The following LRP1B variants were observed in gnomAD, a reference collection of about 807,000 sequenced individuals.
The protein encoded by LRP1B is LDL receptor related protein 1B.
LRP1B carries 217 observed loss-of-function variants against 556.6 expected under a neutral mutation model. The ratio of observed to expected loss-of-function variants is 0.39; its 90% confidence interval spans 0.35 to 0.44. LRP1B has a LOEUF of 0.44. LRP1B is among the 20% of genes least tolerant of loss of function. The pLI, the probability that LRP1B is intolerant of heterozygous loss-of-function variation, is 1.00. For missense variants in LRP1B, 5,053 were observed against 5,620.8 expected, an observed-to-expected ratio of 0.90 and a Z score of 3.23; for synonymous variants, 2,047 against 1,865.8, an observed-to-expected ratio of 1.10 and a Z score of -2.50.
chr2:140,767,061 C>T (rs1369254413), intron 35 of LRP1B, among the ~76,000 whole-genome samples: 5 of 151,612 alleles, frequency 3.3e-5, no homozygotes, highest in Non-Finnish European at 5.9e-5. Context: ...GGTCACAAAG[C>T]TACTAGTGGT....
intron 35 of LRP1B, among the ~76,000 whole-genome samples, chr2:140,751,930 T>C (rs1688593476): frequency 6.6e-6 from 1 of 152,188 alleles, no homozygotes; most frequent in Non-Finnish European, 1.5e-5. Context: ...AGGATATATA[T>C]ACGCAGTACA....
intron 1 of LRP1B, among the ~76,000 whole-genome samples, chr2:141,915,409 A>G (rs1356728633): frequency 6.6e-6 from 1 of 152,126 alleles, no homozygotes; most frequent in African/African-American, 2.4e-5. Flanking sequence ...CAAAAATTGT[A>G]TATGGTGAAC....
At chr2:141,346,219 G>A (rs1412407752) in intron 3 of LRP1B, among the ~76,000 whole-genome samples, 1 of 151,846 alleles carries the variant, frequency 6.6e-6, no homozygotes, top group Non-Finnish European at 1.5e-5. Flanking sequence ...TGATCCTAGT[G>A]ATTTTGCTTA....
chr2:141,507,600 TG>T (rs1330177542), intron 2 of LRP1B, among the ~76,000 whole-genome samples: 1 of 152,144 alleles, frequency 6.6e-6, no homozygotes, highest in Non-Finnish European at 1.5e-5. Context: ...TCCAAAATTA[TG>T]GGCCAGATTC....
At chr2:142,098,873 T>C (rs1300719992) in intron 1 of LRP1B, among the ~76,000 whole-genome samples, 1 of 151,848 alleles carries the variant, frequency 6.6e-6, no homozygotes, top group African/African-American at 2.4e-5. Context: ...GCAACACTAC[T>C]GATCATTTTC....
intron 6 of LRP1B, among the ~76,000 whole-genome samples, chr2:141,204,405 TC>T (rs1682179934): frequency 6.6e-6 from 1 of 152,030 alleles, no homozygotes; most frequent in African/African-American, 2.4e-5. Context: ...ATGAGAGAAA[TC>T]CGGATTTGGG....
chr2:140,995,604 A>G (rs1049897210), intron 15 of LRP1B, among the ~76,000 whole-genome samples: 3 of 152,166 alleles, frequency 2.0e-5, no homozygotes, highest in Middle Eastern at 3.4e-3. Context: ...TACTACCTCC[A>G]TCTTATAAAT....
At chr2:141,706,312 C>T (rs983206381) in intron 2 of LRP1B, among the ~76,000 whole-genome samples, 8 of 152,092 alleles carry the variant, frequency 5.3e-5, no homozygotes, top group Admixed American at 2.0e-4. Context: ...AAATTGCTTA[C>T]ATTCTTCAAG....
chr2:140,363,925 G>A (rs1042138083), intron 72 of LRP1B, among the ~76,000 whole-genome samples: 10 of 151,664 alleles, frequency 6.6e-5, no homozygotes, highest in South Asian at 2.1e-4. Flanking sequence ...AAGTATAGGC[G>A]AAACTGCATT....
chr2:141,421,712 C>T (rs958876910), intron 3 of LRP1B, among the ~76,000 whole-genome samples: 3 of 152,008 alleles, frequency 2.0e-5, no homozygotes, highest in Admixed American at 6.6e-5. Flanking sequence ...TGATTCTAAG[C>T]TTAAGATTAA....
chr2:141,459,960 T>C (rs905874094), intron 3 of LRP1B, among the ~76,000 whole-genome samples: 2 of 152,182 alleles, frequency 1.3e-5, no homozygotes, highest in Non-Finnish European at 2.9e-5. Context: ...GAGATGAAGA[T>C]TTGTGTCACC....
At chr2:140,364,934 G>C in intron 71 of LRP1B, 151 bp from the exon 72 acceptor site, 1 of 564,476 alleles carries the variant, frequency 1.8e-6, no homozygotes, top group Non-Finnish European at 2.9e-6. Context: ...CCAGGAACAA[G>C]TAATATTCAA....
intron 59 of LRP1B, among the ~76,000 whole-genome samples, chr2:140,477,258 T>C (rs1688014010): frequency 6.6e-6 from 1 of 152,088 alleles, no homozygotes; most frequent in African/African-American, 2.4e-5. Context: ...CATAATACTT[T>C]TTGATTTATC....
At chr2:141,766,101 C>G (rs10195494) in intron 2 of LRP1B, among the ~76,000 whole-genome samples, 20,291 of 152,070 alleles carry the variant, frequency 0.13, 1,473 homozygotes, top group Non-Finnish European at 0.16. Flanking sequence ...CAAAATTAAA[C>G]TATGGGTAAT....
intron 31 of LRP1B, among the ~76,000 whole-genome samples, chr2:140,816,675 C>A (rs1361667745): frequency 2.6e-5 from 4 of 152,030 alleles, no homozygotes; most frequent in African/African-American, 4.8e-5. Context: ...AGTATGTTAG[C>A]TTAACCCTTA....
chr2:141,590,577 T>C (rs1004372717), intron 2 of LRP1B, among the ~76,000 whole-genome samples: 16 of 152,054 alleles, frequency 1.1e-4, no homozygotes, highest in African/African-American at 3.9e-4. Context: ...ATTTCTAAGA[T>C]GAGCTATAAA....
At chr2:141,739,845 T>C (rs1693631097) in intron 2 of LRP1B, among the ~76,000 whole-genome samples, 1 of 152,130 alleles carries the variant, frequency 6.6e-6, no homozygotes, top group African/African-American at 2.4e-5. Context: ...GAGCAAACCA[T>C]ATGCCTTTTC....
chr2:141,000,193 A>C (rs1179142880), intron 15 of LRP1B, among the ~76,000 whole-genome samples: 1 of 152,038 alleles, frequency 6.6e-6, no homozygotes, highest in Non-Finnish European at 1.5e-5. Flanking sequence ...TGTTGGGATT[A>C]CAGCTGTGAG....
At chr2:141,568,443 A>T (rs1387609759) in intron 2 of LRP1B, among the ~76,000 whole-genome samples, 3 of 151,154 alleles carry the variant, frequency 2.0e-5, no homozygotes, top group African/African-American at 7.3e-5. Context: ...AAATAGGTTG[A>T]ATATAAGAAA....
Sources: gnomAD v4.1 joint callset for allele counts (sites outside exome capture counted in the v4.1 genomes callset) on GRCh38, gnomAD v4.1.1 for gene constraint, MANE v1.5 for transcripts, NCBI Gene and HGNC (gene_info 2026-07-23, HGNC 2026-07-21) for gene names.